The following TERB2 variants were observed in gnomAD, a reference collection of about 807,000 sequenced individuals.
The protein encoded by TERB2 is telomere repeats-binding bouquet formation protein 2.
Under a neutral mutation model 29.8 loss-of-function variants are expected in TERB2, and 26 were observed. The ratio of observed to expected loss-of-function variants is 0.87; its 90% CI spans 0.64 to 1.21. TERB2 has a LOEUF of 1.21. Ranked by LOEUF, TERB2 falls within the 50% of genes most tolerant of loss-of-function variation. The pLI, the probability that TERB2 is intolerant of heterozygous loss-of-function variation, is 0.00. For synonymous variants in TERB2, 80 were observed against 90.8 expected (o/e 0.88, Z 0.68); for missense variants, 240 against 268.6 (o/e 0.89, Z 0.74).
Position 44,961,030 on chromosome 15 carries a change from TATAG to T in TERB2, c.287-491_287-488del, listed in dbSNP as rs1189747763. ...GCATTATATAGATACATATGCATTA[TATAG>T]AGAGATATATATCTATAAATGCAGA... is the stretch of plus-strand genomic sequence containing the variant. On this transcript the variant is annotated intron_variant, in intron 3 of 6. Transcript: ENST00000340827. 1.1e-4 allele frequency among the ~76,000 whole-genome samples: 17 copies of T among 151,676 alleles called. No individual in the cohort carries two copies. The East Asian group carries it at 3.1e-3, about 28-fold the overall frequency.
chr15:44,963,305 GATATGAT>G (rs1415544075), intron 4 of TERB2, among the ~76,000 whole-genome samples: 16 of 152,200 alleles, frequency 1.1e-4, no homozygotes, highest in African/African-American at 3.9e-4. Context: ...TGTTCAGTCA[GATATGAT>G]ATAATAAATA....
chr15:44,962,274 C>G (rs940182876), intron 4 of TERB2, among the ~76,000 whole-genome samples: 26 of 149,846 alleles, frequency 1.7e-4, no homozygotes, highest in Middle Eastern at 6.9e-3. Flanking sequence ...CTCCGCCTCC[C>G]GGGTTCACGC....
intron 5 of TERB2, among the ~76,000 whole-genome samples, chr15:44,972,328 G>A (rs1891984271): frequency 6.6e-6 from 1 of 151,918 alleles, no homozygotes; most frequent in South Asian, 2.1e-4. Context: ...ATTACTCAGT[G>A]TACTTCTAGA....
intron 2 of TERB2, 22 bp downstream of exon 2, chr15:44,956,999 T>C (rs375025495): frequency 6.8e-5 from 109 of 1,599,184 alleles, no homozygotes; most frequent in Non-Finnish European, 9.2e-5. Flanking sequence ...GACCTGGCAG[T>C]GCCTCTTATG....
chr15:44,967,190 G>A (rs1485168210), intron 5 of TERB2, among the ~76,000 whole-genome samples: 1 of 151,982 alleles, frequency 6.6e-6, no homozygotes, highest in Non-Finnish European at 1.5e-5. Flanking sequence ...CTCATTGCAG[G>A]CTTATACATG....
chr15:44,973,591 G>A (rs1319510857), intron 5 of TERB2: 1 of 155,038 alleles, frequency 6.5e-6, no homozygotes, highest in Non-Finnish European at 1.4e-5. Context: ...ACCAAAACTG[G>A]AACTATTCAG....
intron 5 of TERB2, among the ~76,000 whole-genome samples, chr15:44,972,367 G>A (rs944828047): frequency 2.0e-5 from 3 of 151,982 alleles, no homozygotes; most frequent in African/African-American, 7.3e-5. Flanking sequence ...ATTTAAGGAT[G>A]ACTCCAATTT....
intron 5 of TERB2, chr15:44,970,218 GCT>G (rs1249254279): frequency 1.8e-5 from 3 of 168,158 alleles, no homozygotes; most frequent in African/African-American, 7.2e-5. Context: ...ATTAGGAATG[GCT>G]CTCTCATTAT....
At chr15:44,963,914 G>A (rs1232068350) in intron 4 of TERB2, among the ~76,000 whole-genome samples, 2 of 149,002 alleles carry the variant, frequency 1.3e-5, no homozygotes, top group African/African-American at 2.5e-5. Flanking sequence ...GGGTTGAAGC[G>A]ATTCTCGTGC....
rs191428623 is a variant in TERB2, at chr15:44,963,182, T to C, written c.348+1598T>C. 2.1e-3 allele frequency among the ~76,000 whole-genome samples: 325 copies of C among 152,298 alleles called. 1 individual carries two copies. The highest frequency in any genetic ancestry group is 3.5e-3 in the Non-Finnish European group (240 of 68,016). On this transcript the variant is annotated intron_variant, in intron 4 of 6. Coordinates refer to ENST00000340827, the MANE Select transcript of TERB2 (RefSeq NM_152448.3). ...ATGATCTCAAATTATCACCCACAGATTGAATATTAGTTACAAAGTAAAACA... is the reference window on the plus strand; with the variant it reads ...ATGATCTCAAATTATCACCCACAGACTGAATATTAGTTACAAAGTAAAACA...
chr15:44,961,742 C>T (rs903233425), intron 4 of TERB2, among the ~76,000 whole-genome samples, 158 bp downstream of exon 4: 3 of 152,186 alleles, frequency 2.0e-5, no homozygotes, highest in Non-Finnish European at 2.9e-5. Flanking sequence ...CTCTGTCTCC[C>T]AGGCTGGAGT....
intron 5 of TERB2, among the ~76,000 whole-genome samples, chr15:44,973,021 TA>T (rs1355262956): frequency 6.6e-6 from 1 of 151,614 alleles, no homozygotes; most frequent in African/African-American, 2.4e-5. Context: ...TAGCTGGGAT[TA>T]CAGGTGGGTG....
At chr15:44,978,318 G>T (rs1892074148) in intron 6 of TERB2, among the ~76,000 whole-genome samples, 171 bp from the exon 7 acceptor site, 1 of 152,084 alleles carries the variant, frequency 6.6e-6, no homozygotes, top group African/African-American at 2.4e-5. Flanking sequence ...GGTGTTCCCG[G>T]ATAATTATAA....
chr15:44,968,635 C>A (rs1357173196), intron 5 of TERB2, among the ~76,000 whole-genome samples: 19 of 145,046 alleles, frequency 1.3e-4, no homozygotes, highest in African/African-American at 4.6e-4. Context: ...ACTCTGACCC[C>A]CAGGGGTGGA....
chr15:44,975,098 C>G (rs1405571712), intron 6 of TERB2, among the ~76,000 whole-genome samples: 1 of 152,036 alleles, frequency 6.6e-6, no homozygotes, highest in Non-Finnish European at 1.5e-5. Flanking sequence ...AAAAATTAGT[C>G]AGAATTTTAA....
At position 44,978,667 on chromosome 15, in the gene TERB2, A is replaced by C; in HGVS notation, c.*39A>C. On this transcript the variant is annotated 3_prime_UTR_variant, in exon 7 of 7. Transcript: ENST00000340827. ...AAATACCTTGGCATTTATTTTCTAT[A>C]AAATATTATACAGATGTGCATATCA... 1 of 1,545,098 alleles carries C rather than the reference A, an allele frequency of 6.5e-7. No homozygotes were observed. Among genetic ancestry groups the C allele is most frequent in the South Asian group, 1.3e-5 (1 of 78,834 alleles).
chr15:44,962,708 A>G (rs1313249759), intron 4 of TERB2: 1 of 152,202 alleles, frequency 6.6e-6, no homozygotes, highest in Admixed American at 6.5e-5. Flanking sequence ...CCTGCCTCAG[A>G]TTTACTTACG....
intron 4 of TERB2, among the ~76,000 whole-genome samples, chr15:44,965,915 G>T (rs753462236): frequency 6.6e-6 from 1 of 151,740 alleles, no homozygotes. Flanking sequence ...ACCACAGCTG[G>T]TATATTTAAA....
chr15:44,971,667 A>G (rs899299950), intron 5 of TERB2, among the ~76,000 whole-genome samples: 1 of 152,056 alleles, frequency 6.6e-6, no homozygotes, highest in African/African-American at 2.4e-5. Context: ...AGGCAGGAAA[A>G]TGGCCTGAAC....
Sources: allele counts gnomAD v4.1 joint callset (sites outside exome capture counted in the v4.1 genomes callset), GRCh38; gene constraint gnomAD v4.1.1; transcripts MANE v1.5; gene names NCBI Gene and HGNC (gene_info 2026-07-23, HGNC 2026-07-21).